SCAPER: variants seen among roughly 807,000 people sequenced by gnomAD.
SCAPER encodes S phase cyclin A-associated protein in the endoplasmic reticulum.
A neutral mutation model predicts 182.2 loss-of-function variants in SCAPER; 98 were observed. That is an observed-to-expected ratio of 0.54 (90% CI 0.46 to 0.64). The LOEUF is 0.64. SCAPER is among the 30% of genes least tolerant of loss of function. The probability of loss-of-function intolerance (pLI) is 0.00; values close to 1 mark genes in which losing one functional copy is unlikely to be tolerated. For synonymous variants in SCAPER, 605 were observed against 564.6 expected (o/e 1.07, Z -1.01); for missense variants, 1,432 against 1,690.0 (o/e 0.85, Z 2.68).
At chr15:76,723,421 G>A (rs867013298) in intron 17 of SCAPER, among the ~76,000 whole-genome samples, 1 of 152,160 alleles carries the variant, frequency 6.6e-6, no homozygotes, top group African/African-American at 2.4e-5. Context: ...ATTTGGGGTG[G>A]AGAGTTCTGT....
In SCAPER at chr15:76,841,782, A is replaced by G; in HGVS notation, c.345T>C (p.Asp115=). Residue 115 remains aspartate (D), a synonymous_variant, in exon 5 of 32, where the codon GAT becomes GAC. Coordinates refer to ENST00000563290, the MANE Select transcript of SCAPER (RefSeq NM_020843.4). ...FLFDNLRRAV[D]EIYVTCESDQ... is the part of the protein sequence containing the mutation. ...CTGATTCGCAAGTTACATAGATTTC[A>G]TCTACTGCTCGGCGAAGATTATCAA... The G allele has an allele frequency of 1.2e-6, 2 of 1,613,924 alleles. No individual in the cohort carries two copies. The highest frequency in any genetic ancestry group is 1.7e-6 in the Non-Finnish European group (2 of 1,179,876).
intron 26 of SCAPER, among the ~76,000 whole-genome samples, chr15:76,409,611 T>A (rs1246990813): frequency 6.7e-6 from 1 of 148,640 alleles, no homozygotes; most frequent in Non-Finnish European, 1.5e-5. Context: ...CCCGAATCTA[T>A]TAAAAAAAAA....
intron 23 of SCAPER, among the ~76,000 whole-genome samples, chr15:76,530,580 T>TAG (rs1410145041): frequency 2.0e-5 from 3 of 152,162 alleles, no homozygotes; most frequent in Admixed American, 6.5e-5. Flanking sequence ...TGGTCACACT[T>TAG]AGGAGGGTCT....
At chr15:76,619,144 C>A (rs1044680895) in intron 22 of SCAPER, among the ~76,000 whole-genome samples, 1 of 152,098 alleles carries the variant, frequency 6.6e-6, no homozygotes, top group Admixed American at 6.6e-5. Context: ...CGCACCCAGC[C>A]GTGTTTCTAT....
chr15:76,725,569 C>T (rs2150999882), intron 17 of SCAPER, among the ~76,000 whole-genome samples: 1 of 152,144 alleles, frequency 6.6e-6, no homozygotes. Context: ...AACAAAGAGG[C>T]TCACATATCC....
At chr15:76,903,095 A>T (rs1367163819) in intron 1 of SCAPER, among the ~76,000 whole-genome samples, 1 of 152,058 alleles carries the variant, frequency 6.6e-6, no homozygotes, top group Non-Finnish European at 1.5e-5. Context: ...GAAATGACAG[A>T]ATCTCAAGTC....
chr15:76,572,504 TC>T (rs1381764522), intron 23 of SCAPER, among the ~76,000 whole-genome samples: 1 of 152,220 alleles, frequency 6.6e-6, no homozygotes, highest in Non-Finnish European at 1.5e-5. Context: ...TGCTTTCGAT[TC>T]CTCCAGACGA....
At position 76,354,282 on chromosome 15, in the gene SCAPER, A is replaced by C. The variant is rs2040807157; in HGVS notation, c.3856-142T>G. 3 of 588,040 alleles carry C rather than the reference A, an allele frequency of 5.1e-6. No homozygotes were observed. Among genetic ancestry groups the C allele is most frequent in the Admixed American group, 4.2e-5 (1 of 23,598 alleles). 36.4% of individuals were successfully genotyped at this position (588,040 alleles called of 1,614,324 possible). ...ACTCCTGACTCCGTACCAGAGCTTAATTTAAGTGATACTTGAAAAGAGCAG... is the reference window on the plus strand; with the variant it reads ...ACTCCTGACTCCGTACCAGAGCTTACTTTAAGTGATACTTGAAAAGAGCAG... On this transcript the variant is annotated intron_variant, in intron 29 of 31. Transcript: ENST00000563290. The surrounding 1 kb of genome is among the most constrained non-coding windows in gnomAD (Gnocchi z 4.4).
intron 6 of SCAPER, among the ~76,000 whole-genome samples, chr15:76,801,479 C>T (rs1037472752): frequency 2.0e-5 from 3 of 152,146 alleles, no homozygotes; most frequent in Non-Finnish European, 4.4e-5. Context: ...ATTTAAATCT[C>T]CAGGCTAGCC....
intron 26 of SCAPER, among the ~76,000 whole-genome samples, chr15:76,419,642 C>G (rs2045890931): frequency 6.6e-6 from 1 of 152,022 alleles, no homozygotes; most frequent in Non-Finnish European, 1.5e-5. Context: ...ATCACTTGAA[C>G]CTGGGAGGTG....
intron 24 of SCAPER, among the ~76,000 whole-genome samples, chr15:76,475,220 C>T (rs1219687594): frequency 1.3e-5 from 2 of 152,140 alleles, no homozygotes; most frequent in East Asian, 3.9e-4. Context: ...TTTTCCTATT[C>T]TTATAAATAA....
rs746252942 is a variant in SCAPER, at chr15:76,771,867, T to C, written c.1123A>G (p.Ile375Val). ...ATAACTGAAACACACTCTGTATCAA[T>C]GTGGACAGCAGATATTTCAGAAGTT... Reference protein sequence around the residue: ...VRTSEISAVHIDTECVSVMLQ... With the variant: ...VRTSEISAVHVDTECVSVMLQ... The change falls in exon 10 of 32, where the codon ATT becomes GTT. Residue 375 changes from isoleucine (I) to valine (V), a missense_variant. Physicochemically the swap from Ile to Val is conservative, Grantham distance 29 (BLOSUM62 3). Coordinates refer to ENST00000563290, the MANE Select transcript of SCAPER (RefSeq NM_020843.4). The C allele has an allele frequency of 6.2e-7, 1 of 1,613,196 alleles. No homozygotes were observed.
intron 24 of SCAPER, among the ~76,000 whole-genome samples, chr15:76,482,580 A>G (rs1596924578): frequency 6.6e-6 from 1 of 152,180 alleles, no homozygotes; most frequent in Non-Finnish European, 1.5e-5. Context: ...TTTGAAGATG[A>G]TATGATGGTC....
chr15:76,783,694 A>C (rs1196712178), intron 8 of SCAPER, among the ~76,000 whole-genome samples: 1 of 152,214 alleles, frequency 6.6e-6, no homozygotes, highest in Non-Finnish European at 1.5e-5. Flanking sequence ...CACCACCATC[A>C]AGTTGGCTTC....
In SCAPER at chr15:76,511,843, A is replaced by ATATGTGTG. The variant is rs151255382; in HGVS notation, c.2839-6870_2839-6869insCACACATA. Among the ~76,000 whole-genome samples the ATATGTGTG allele has an allele frequency of 1.1e-3, 133 of 123,288 alleles. 1 individual carries two copies. The highest frequency in any genetic ancestry group is 3.2e-3 in the African/African-American group (95 of 29,802). The allele number at this position is 123,288 out of a possible 152,430, so 80.9% of individuals were successfully genotyped here. A position where few individuals can be genotyped will look rare whatever the true frequency, so the allele number is the denominator to read the frequency against. On this transcript the variant is annotated intron_variant, in intron 23 of 31. Coordinates refer to ENST00000563290, the MANE Select transcript of SCAPER (RefSeq NM_020843.4). ...AGATACACTTATTATATATATATAT[A>ATATGTGTG]TGTGTGTGTGTGTGTGTGTGTGTGT...
At chr15:76,420,312 C>T (rs936734134) in intron 26 of SCAPER, among the ~76,000 whole-genome samples, 5 of 148,106 alleles carry the variant, frequency 3.4e-5, no homozygotes, top group Non-Finnish European at 7.4e-5. Context: ...GCTCAAGATC[C>T]TCTTGCCTTA....
intron 4 of SCAPER, among the ~76,000 whole-genome samples, chr15:76,850,859 C>CAAAAAAAAAAAA (rs59202490): frequency 1.4e-4 from 13 of 90,022 alleles, no homozygotes; most frequent in Non-Finnish European, 2.1e-4. Context: ...GACTCTGTCT[C>CAAAAAAAAAAAA]AAAAAAAAAA....
At chr15:76,876,064 T>G (rs2073134781) in intron 2 of SCAPER, among the ~76,000 whole-genome samples, 1 of 151,480 alleles carries the variant, frequency 6.6e-6, no homozygotes, top group South Asian at 2.1e-4. Flanking sequence ...TCCCAGCTGC[T>G]GGCCCAGGTG....
intron 4 of SCAPER, among the ~76,000 whole-genome samples, chr15:76,851,615 G>T (rs777481930): frequency 1.3e-5 from 2 of 152,072 alleles, no homozygotes; most frequent in African/African-American, 2.4e-5. Context: ...AAGAAATAAG[G>T]TCCTTTTCAG....
Sources: allele counts gnomAD v4.1 joint callset (sites outside exome capture counted in the v4.1 genomes callset), GRCh38; gene constraint gnomAD v4.1.1; non-coding constraint Gnocchi (gnomAD v3.1); transcripts MANE v1.5; gene names NCBI Gene and HGNC (gene_info 2026-07-23, HGNC 2026-07-21).